Variants in CCDC91 observed in about 807,000 individuals in gnomAD.
The protein encoded by CCDC91 is coiled-coil domain-containing protein 91.
A neutral mutation model predicts 63.2 loss-of-function variants in CCDC91; 48 were observed. The ratio of observed to expected loss-of-function variants is 0.76; its 90% CI spans 0.60 to 0.97. The LOEUF is 0.97. CCDC91 is among the 50% of genes least tolerant of loss of function. The probability of loss-of-function intolerance (pLI) is 0.00; values close to 1 mark genes in which losing one functional copy is unlikely to be tolerated. For missense variants in CCDC91, 500 were observed against 494.6 expected (o/e 1.01, Z -0.10); for synonymous variants, 167 against 165.8 (o/e 1.01, Z -0.06).
chr12:28,313,051 T>A (rs1402420482), intron 6 of CCDC91, among the ~76,000 whole-genome samples: 1 of 152,084 alleles, frequency 6.6e-6, no homozygotes, highest in Admixed American at 6.6e-5. Flanking sequence ...CCAGTCATCC[T>A]TTAGATAATT....
chr12:28,300,250 T>C (rs1937910751), intron 3 of CCDC91, among the ~76,000 whole-genome samples: 1 of 151,450 alleles, frequency 6.6e-6, no homozygotes, highest in African/African-American at 2.4e-5. Flanking sequence ...GTGTATGATA[T>C]GATATAAGGG....
intron 1 of CCDC91, among the ~76,000 whole-genome samples, chr12:28,223,307 G>C (rs181450483): frequency 2.0e-5 from 3 of 152,200 alleles, no homozygotes; most frequent in Non-Finnish European, 2.9e-5. Context: ...GTGATGCTGA[G>C]GGTCAAGGTA....
intron 8 of CCDC91, among the ~76,000 whole-genome samples, chr12:28,396,287 A>G (rs1046025287): frequency 6.6e-6 from 1 of 152,182 alleles, no homozygotes; most frequent in Admixed American, 6.5e-5. Flanking sequence ...GTGCTAAATG[A>G]AAAATGACTA....
At chr12:28,420,349 T>C (rs925491886) in intron 8 of CCDC91, among the ~76,000 whole-genome samples, 10 of 152,308 alleles carry the variant, frequency 6.6e-5, no homozygotes, top group African/African-American at 1.9e-4. Flanking sequence ...AGCACTGTTA[T>C]TAGCTGGACT....
intron 8 of CCDC91, among the ~76,000 whole-genome samples, chr12:28,429,124 G>A (rs1318577125): frequency 2.0e-5 from 3 of 152,150 alleles, no homozygotes; most frequent in African/African-American, 7.2e-5. Context: ...GATGATTGGT[G>A]TGGTTCAAAC....
chr12:28,325,059 A>C (rs539796280), intron 6 of CCDC91, among the ~76,000 whole-genome samples: 1 of 152,098 alleles, frequency 6.6e-6, no homozygotes, highest in South Asian at 2.1e-4. Context: ...TTTTTATAGT[A>C]TTCTGTGTTG....
chr12:28,363,920 A>T (rs902823016), intron 7 of CCDC91, among the ~76,000 whole-genome samples: 16 of 149,318 alleles, frequency 1.1e-4, no homozygotes, highest in Non-Finnish European at 3.0e-5. Context: ...AATCATTTGG[A>T]TAAAAGTAGG....
At chr12:28,365,640 TAC>T (rs1944223860) in intron 7 of CCDC91, among the ~76,000 whole-genome samples, 2 of 152,242 alleles carry the variant, frequency 1.3e-5, no homozygotes, top group South Asian at 4.1e-4. Context: ...ATCTTCTTTA[TAC>T]CAGGGATTAT....
chr12:28,199,511 T>G (rs1942045408), intron 1 of CCDC91, among the ~76,000 whole-genome samples: 2 of 152,328 alleles, frequency 1.3e-5, no homozygotes, highest in African/African-American at 4.8e-5. Flanking sequence ...TTCTTTTATA[T>G]TTACCTATGT....
intron 3 of CCDC91, among the ~76,000 whole-genome samples, chr12:28,267,911 AT>A (rs1947431375): frequency 1.0e-5 from 1 of 95,266 alleles, no homozygotes; most frequent in South Asian, 2.6e-4. Flanking sequence ...ATTATATTAT[AT>A]ATAATTATTA....
intron 12 of CCDC91, 150 bp from the exon 13 acceptor site, chr12:28,548,913 T>C (rs1943162672): frequency 1.8e-6 from 1 of 548,374 alleles, no homozygotes; most frequent in Non-Finnish European, 3.3e-6. Context: ...AGAGTGACTT[T>C]ACTGTCATTC....
intron 1 of CCDC91, among the ~76,000 whole-genome samples, chr12:28,251,089 G>T (rs369179806): frequency 1.3e-5 from 2 of 151,908 alleles, no homozygotes; most frequent in African/African-American, 4.8e-5. Context: ...CATTAAACAG[G>T]ATCAAATGGA....
At chr12:28,312,639 G>T (rs920126208) in intron 6 of CCDC91, among the ~76,000 whole-genome samples, 2 of 151,992 alleles carry the variant, frequency 1.3e-5, no homozygotes, top group African/African-American at 4.8e-5. Context: ...TTTTTAAATA[G>T]TGATATGGTT....
chr12:28,190,944 A>G (rs1038044030), intron 1 of CCDC91, among the ~76,000 whole-genome samples: 1 of 152,204 alleles, frequency 6.6e-6, no homozygotes, highest in African/African-American at 2.4e-5. Flanking sequence ...CGAACACGTG[A>G]TTATTGTGTC....
intron 7 of CCDC91, among the ~76,000 whole-genome samples, chr12:28,378,105 A>C (rs778649649): frequency 1.2e-4 from 19 of 152,046 alleles, no homozygotes; most frequent in Non-Finnish European, 2.5e-4. Context: ...ACAGTGAAAA[A>C]AGATGCAAAA....
intron 12 of CCDC91, among the ~76,000 whole-genome samples, chr12:28,548,443 A>G (rs775622384): frequency 3.3e-5 from 5 of 151,798 alleles, no homozygotes; most frequent in Non-Finnish European, 7.4e-5. Context: ...CTAATTTTTT[A>G]TATATTTAGT....
intron 12 of CCDC91, among the ~76,000 whole-genome samples, chr12:28,508,915 C>A (rs1369033028): frequency 6.6e-6 from 1 of 151,916 alleles, no homozygotes; most frequent in African/African-American, 2.4e-5. Context: ...ACAGTGTATT[C>A]TGTGACCTAG....
chr12:28,291,538 A>G (rs577648132), intron 3 of CCDC91, among the ~76,000 whole-genome samples: 21 of 152,280 alleles, frequency 1.4e-4, no homozygotes, highest in African/African-American at 4.6e-4. Flanking sequence ...GCATCAGACC[A>G]CCAACCAGTG....
chr12:28,298,735 A>C (rs190178442), intron 3 of CCDC91, among the ~76,000 whole-genome samples: 3,475 of 138,082 alleles, frequency 0.025, 66 homozygotes, highest in Middle Eastern at 0.043. Context: ...TGTAAAAAAA[A>C]AACAACAACA....
Sources: gnomAD v4.1 joint callset for allele counts (sites outside exome capture counted in the v4.1 genomes callset) on GRCh38, gnomAD v4.1.1 for gene constraint, MANE v1.5 for transcripts, NCBI Gene and HGNC (gene_info 2026-07-23, HGNC 2026-07-21) for gene names.